Variants in PTPN4 observed in about 807,000 individuals in gnomAD.
PTPN4 encodes the protein protein tyrosine phosphatase non-receptor type 4.
A neutral mutation model predicts 135.5 loss-of-function variants in PTPN4; 49 were observed. The observed-to-expected ratio is 0.36, with a 90% CI of 0.29 to 0.46. The LOEUF is 0.46. Among genes scored for constraint, PTPN4 ranks in the 20% least tolerant of loss-of-function variants. The pLI is 1.00. For synonymous variants in PTPN4, 333 were observed against 369.9 expected, an observed-to-expected ratio of 0.90 and a Z score of 1.14; for missense variants, 860 against 1,101.0, an observed-to-expected ratio of 0.78 and a Z score of 3.10.
chr2:119,974,136 G>GGT, intron 26 of PTPN4, among the ~76,000 whole-genome samples: 1 of 152,096 alleles, frequency 6.6e-6, no homozygotes, highest in South Asian at 2.1e-4. Context: ...AATTTATTTG[G>GGT]GTATTATTTT....
intron 9 of PTPN4, among the ~76,000 whole-genome samples, chr2:119,887,146 A>G (rs144183269): frequency 1.2e-4 from 18 of 152,196 alleles, no homozygotes; most frequent in Non-Finnish European, 2.5e-4. Context: ...TTATTATAAT[A>G]AAGTTTAAAA....
rs70949378 is a variant in PTPN4, at chr2:119,973,655, G to GTTTTTTTTTTTTTT, written c.2695-3315_2695-3302dup. ...TTGAAAGCTTCCTCCTTCATTTCTT[G>GTTTTTTTTTTTTTT]TTTTTTTTTTTTTTTTTTTTTTTTT... is the stretch of plus-strand genomic sequence containing the variant. On this transcript the variant is annotated intron_variant, in intron 26 of 26. Transcript: ENST00000263708. Among the ~76,000 whole-genome samples, 57 of 38,386 alleles carry GTTTTTTTTTTTTTT rather than the reference G, an allele frequency of 1.5e-3. 7 individuals carry two copies. Among genetic ancestry groups the GTTTTTTTTTTTTTT allele is most frequent in the East Asian group, 3.3e-3 (3 of 910 alleles). 25.2% of individuals were successfully genotyped at this position (38,386 alleles called of 152,430 possible).
chr2:119,813,301 AC>A (rs1676928989), intron 2 of PTPN4, among the ~76,000 whole-genome samples: 1 of 150,886 alleles, frequency 6.6e-6, no homozygotes, highest in Non-Finnish European at 1.5e-5. Context: ...AGGCTGGAGT[AC>A]AATGGCACGA....
intron 14 of PTPN4, among the ~76,000 whole-genome samples, chr2:119,933,088 T>C (rs934745266): frequency 2.6e-5 from 4 of 152,202 alleles, no homozygotes; most frequent in African/African-American, 9.6e-5. Flanking sequence ...TTACCGTATA[T>C]GTACTTCAGT....
intron 1 of PTPN4, among the ~76,000 whole-genome samples, chr2:119,772,934 T>G (rs899919148): frequency 6.6e-6 from 1 of 152,230 alleles, no homozygotes; most frequent in African/African-American, 2.4e-5. Context: ...CCGTATCACC[T>G]GTCTGTGTCC....
chr2:119,825,883 AT>A (rs1677139816), intron 2 of PTPN4, among the ~76,000 whole-genome samples: 1 of 152,158 alleles, frequency 6.6e-6, no homozygotes, highest in Non-Finnish European at 1.5e-5. Context: ...TCATCTCTAT[AT>A]GTCATTGTGA....
intron 9 of PTPN4, among the ~76,000 whole-genome samples, chr2:119,894,127 A>C (rs1678283326): frequency 6.6e-6 from 1 of 152,248 alleles, no homozygotes; most frequent in African/African-American, 2.4e-5. Flanking sequence ...GGAAAAGTTA[A>C]GTAATGTGAC....
At chr2:119,815,304 G>C (rs1377088582) in intron 2 of PTPN4, among the ~76,000 whole-genome samples, 1 of 152,162 alleles carries the variant, frequency 6.6e-6, no homozygotes, top group Non-Finnish European at 1.5e-5. Flanking sequence ...CATTAAACAA[G>C]AATGTTGGTG....
intron 5 of PTPN4, among the ~76,000 whole-genome samples, chr2:119,879,789 C>T (rs1678044243): frequency 3.3e-5 from 5 of 152,066 alleles, no homozygotes; most frequent in Admixed American, 2.0e-4. Context: ...ATCTGCTGCA[C>T]CTCCTTACCT....
rs560299483 is a variant in PTPN4 at position 119,943,796 on chromosome 2, C to T, written c.1356-1285C>T. Among the ~76,000 whole-genome samples the T allele has an allele frequency of 3.3e-5, 5 of 151,720 alleles. No individual in the cohort carries two copies. The South Asian group carries it at 1.0e-3, about 32-fold the overall frequency. ...TAGAGACAGGGTTTCACCATGTTAG[C>T]CAGGATAGGATGGTCTCAATCTCCT... On this transcript the variant is annotated intron_variant, in intron 15 of 26. Coordinates refer to ENST00000263708, the MANE Select transcript of PTPN4 (RefSeq NM_002830.4).
At chr2:119,974,562 G>A (rs1474628634) in intron 26 of PTPN4, among the ~76,000 whole-genome samples, 3 of 152,104 alleles carry the variant, frequency 2.0e-5, no homozygotes, top group Non-Finnish European at 2.9e-5. Context: ...GCCAGTGGGA[G>A]CCTGTTCACC....
intron 1 of PTPN4, among the ~76,000 whole-genome samples, chr2:119,784,383 A>T (rs1389895867): frequency 1.4e-4 from 14 of 100,142 alleles, no homozygotes; most frequent in African/African-American, 4.4e-4. Flanking sequence ...ATGCCCACCT[A>T]ATTTTTTTTT....
At position 119,946,743 on chromosome 2, in the gene PTPN4, TC is replaced by T. The variant is rs1250076081; in HGVS notation, c.1656+170del. On this transcript the variant is annotated intron_variant, in intron 18 of 26. Coordinates refer to ENST00000263708, the MANE Select transcript of PTPN4 (RefSeq NM_002830.4). The stretch of plus-strand genomic sequence containing the variant: ...TGCTGGGAAGTTAGTTTTGACTTGT[TC>T]TCTGTAAGTATTTAAAATCCCTGTT... 5.4e-6 allele frequency: 3 copies of T among 558,456 alleles called. No individual in the cohort carries two copies. The African/African-American group carries it at 5.8e-5, about 11-fold the overall frequency. 34.6% of individuals were successfully genotyped at this position (558,456 alleles called of 1,614,324 possible).
chr2:119,855,801 T>C (rs1397192310), intron 2 of PTPN4, among the ~76,000 whole-genome samples: 5 of 152,092 alleles, frequency 3.3e-5, no homozygotes, highest in Non-Finnish European at 5.9e-5. Context: ...TGTGTTATTT[T>C]ATTTATTATT....
Position 119,876,437 on chromosome 2 carries a change from A to G in PTPN4, c.247-886A>G, listed in dbSNP as rs530194259. 4.5e-4 allele frequency among the ~76,000 whole-genome samples: 68 copies of G among 152,278 alleles called. No homozygotes were observed. The South Asian group carries it at 0.014, about 31-fold the overall frequency. ...ATGTGTTGGATGTTATGGACAGTGGAGAGGAAATCATTGTTAATTACTCCC... is the reference window on the plus strand; with the variant it reads ...ATGTGTTGGATGTTATGGACAGTGGGGAGGAAATCATTGTTAATTACTCCC... On this transcript the variant is annotated intron_variant, in intron 3 of 26. Transcript: ENST00000263708.
intron 1 of PTPN4, among the ~76,000 whole-genome samples, chr2:119,765,751 G>A (rs1398065586): frequency 6.6e-6 from 1 of 152,194 alleles, no homozygotes; most frequent in African/African-American, 2.4e-5. Context: ...TTTGAATATG[G>A]TCTTGGAGGA....
intron 10 of PTPN4, among the ~76,000 whole-genome samples, chr2:119,911,872 T>C (rs568294625): frequency 6.6e-6 from 1 of 152,288 alleles, no homozygotes; most frequent in East Asian, 1.9e-4. Context: ...TGTAGTTTCT[T>C]AAAAAGTTAG....
In PTPN4 at chr2:119,980,123, T is replaced by G. The variant is rs1679670165; in HGVS notation, c.*3053T>G. 1 of 152,060 alleles carries G rather than the reference T, an allele frequency of 6.6e-6. No homozygotes were observed. Among genetic ancestry groups the G allele is most frequent in the Non-Finnish European group, 1.5e-5 (1 of 67,948 alleles). The allele number at this position is 152,060 out of a possible 1,614,324, so 9.4% of individuals were successfully genotyped here. A position where few individuals can be genotyped will look rare whatever the true frequency, so the allele number is the denominator to read the frequency against. On this transcript the variant is annotated 3_prime_UTR_variant, in exon 27 of 27. Coordinates refer to ENST00000263708, the MANE Select transcript of PTPN4 (RefSeq NM_002830.4). ...GAGAAAGAGGTGAGAGGGGAGTGGTTGATGATTTTAATCAAGAGTAAAGGG... is the reference window on the plus strand; with the variant it reads ...GAGAAAGAGGTGAGAGGGGAGTGGTGGATGATTTTAATCAAGAGTAAAGGG...
intron 1 of PTPN4, among the ~76,000 whole-genome samples, chr2:119,777,245 C>A (rs889918978): frequency 1.3e-5 from 2 of 152,146 alleles, no homozygotes; most frequent in Non-Finnish European, 2.9e-5. Flanking sequence ...CCCAAGTGTT[C>A]CAGGCAGATG....
Sources: gnomAD v4.1 joint callset for allele counts (sites outside exome capture counted in the v4.1 genomes callset) on GRCh38, gnomAD v4.1.1 for gene constraint, MANE v1.5 for transcripts, NCBI Gene and HGNC (gene_info 2026-07-23, HGNC 2026-07-21) for gene names.